ROBO2: variants seen among roughly 807,000 people sequenced by gnomAD.
ROBO2 encodes the protein roundabout homolog 2.
ROBO2 carries 53 observed loss-of-function variants against 160.8 expected under a neutral mutation model. The observed-to-expected ratio is 0.33, with a 90% CI of 0.26 to 0.41. ROBO2 has a LOEUF of 0.41. ROBO2 is among the 10% of genes least tolerant of loss of function. The pLI is 1.00. For synonymous variants in ROBO2, 664 were observed against 611.7 expected (o/e 1.09, Z -1.26); for missense variants, 1,577 against 1,722.4 (o/e 0.92, Z 1.49).
chr3:76,840,200 G>C (rs2068087133), intron 2 of ROBO2, among the ~76,000 whole-genome samples: 2 of 151,042 alleles, frequency 1.3e-5, no homozygotes, highest in Non-Finnish European at 1.5e-5. Flanking sequence ...GCTCTAATCT[G>C]TTTTATTTCT....
At chr3:77,027,789 T>A (rs1260241356) in intron 2 of ROBO2, among the ~76,000 whole-genome samples, 2 of 152,078 alleles carry the variant, frequency 1.3e-5, no homozygotes, top group African/African-American at 4.8e-5. Context: ...TGTGCGTGTG[T>A]GCCAGGGGAG....
At chr3:77,488,903 T>A (rs1242796898) in intron 4 of ROBO2, among the ~76,000 whole-genome samples, 1 of 152,212 alleles carries the variant, frequency 6.6e-6, no homozygotes, top group Non-Finnish European at 1.5e-5. Context: ...AAAATAGTTC[T>A]TACAAAAAAT....
At chr3:76,339,485 T>C (rs2074087985) in intron 2 of ROBO2, among the ~76,000 whole-genome samples, 1 of 152,196 alleles carries the variant, frequency 6.6e-6, no homozygotes. Context: ...CATATGAGAT[T>C]ATGTTATGAG....
chr3:77,054,892 C>T (rs2065571118), intron 1 of ROBO2, among the ~76,000 whole-genome samples: 1 of 151,022 alleles, frequency 6.6e-6, no homozygotes, highest in Non-Finnish European at 1.5e-5. Context: ...CAGCCAGTGA[C>T]AGAGAGGCGC....
chr3:77,240,512 C>A (rs533923564), intron 2 of ROBO2, among the ~76,000 whole-genome samples: 6 of 152,332 alleles, frequency 3.9e-5, no homozygotes, highest in Middle Eastern at 3.4e-3. Flanking sequence ...CAGCCTCGGC[C>A]AGCCCAGAGA....
upstream of ROBO2, among the ~76,000 whole-genome samples, chr3:77,037,624 G>C (rs2063717626): frequency 1.3e-5 from 2 of 151,986 alleles, no homozygotes; most frequent in Non-Finnish European, 2.9e-5. Context: ...TTGGTGGTAG[G>C]CTGATCTCGC....
chr3:76,044,388 A>G (rs778051652), intron 2 of ROBO2, among the ~76,000 whole-genome samples: 5 of 152,018 alleles, frequency 3.3e-5, no homozygotes, highest in African/African-American at 4.8e-5. Flanking sequence ...ACTCTCCATA[A>G]TTCATATAAC....
intron 2 of ROBO2, among the ~76,000 whole-genome samples, chr3:77,466,792 T>C (rs2082806403): frequency 6.6e-6 from 1 of 152,176 alleles, no homozygotes; most frequent in Non-Finnish European, 1.5e-5. Flanking sequence ...AACACATAAA[T>C]TCCAGGACAC....
At chr3:77,199,975 T>A (rs2082677316) in intron 2 of ROBO2, among the ~76,000 whole-genome samples, 1 of 151,696 alleles carries the variant, frequency 6.6e-6, no homozygotes, top group Non-Finnish European at 1.5e-5. Context: ...TTAGAGATAT[T>A]GTAATGGAAA....
chr3:76,988,017 A>G (rs2060477901), intron 2 of ROBO2, among the ~76,000 whole-genome samples: 1 of 152,222 alleles, frequency 6.6e-6, no homozygotes, highest in African/African-American at 2.4e-5. Flanking sequence ...TACTGTTAAA[A>G]TACATGTATA....
rs116289648 is a variant in ROBO2, at chr3:76,147,421, C to T, written c.109+209819C>T. ...AATAAGTAAAGGGTGTGTGTGCATA[C>T]GCATATTTTGTTTCTTATATTACAA... is the stretch of plus-strand genomic sequence containing the variant. On this transcript the variant is annotated intron_variant, in intron 2 of 26. Transcript: ENST00000487694. Among the ~76,000 whole-genome samples, 562 of 151,702 alleles carry T rather than the reference C, an allele frequency of 3.7e-3. 4 individuals are homozygous for T. The highest frequency in any genetic ancestry group is 0.012 in the African/African-American group (512 of 41,428).
chr3:76,893,222 GC>G (rs1356596139), intron 2 of ROBO2, among the ~76,000 whole-genome samples: 1 of 151,456 alleles, frequency 6.6e-6, no homozygotes, highest in Non-Finnish European at 1.5e-5. Context: ...ACATACACAT[GC>G]ATTCAAATTC....
At chr3:76,826,810 T>G (rs543222886) in intron 2 of ROBO2, among the ~76,000 whole-genome samples, 1 of 152,336 alleles carries the variant, frequency 6.6e-6, no homozygotes, top group East Asian at 1.9e-4. Context: ...AATGATGCTC[T>G]TTTACATTTT....
intron 2 of ROBO2, among the ~76,000 whole-genome samples, chr3:76,436,180 A>ACACACACACACACACACACACC (rs1156673465): frequency 6.6e-6 from 1 of 150,790 alleles, no homozygotes; most frequent in African/African-American, 2.4e-5. Flanking sequence ...ACACACACAC[A>ACACACACACACACACACACACC]CCATTTCTTT....
chr3:77,280,949 A>G (rs1412743862), intron 2 of ROBO2, among the ~76,000 whole-genome samples: 1 of 152,238 alleles, frequency 6.6e-6, no homozygotes, highest in Admixed American at 6.5e-5. Context: ...AGGACTAGAC[A>G]GGTGACACCT....
chr3:76,997,000 G>T (rs1218921795), intron 2 of ROBO2, among the ~76,000 whole-genome samples: 1 of 152,048 alleles, frequency 6.6e-6, no homozygotes. Context: ...GTAAAAAGAA[G>T]TATTAAGACA....
rs187053609 is a variant in ROBO2, at chr3:76,723,594, C to A, written c.110-374420C>A. On this transcript the variant is annotated intron_variant, in intron 2 of 26. Coordinates refer to the ROBO2 transcript ENST00000487694. ...GCCCACTTCATTCTCATACAAAATT[C>A]TTTGTCTCCTCTTTGTCCTTGTCTT... 2.0e-5 allele frequency among the ~76,000 whole-genome samples: 3 copies of A among 152,284 alleles called. No individual in the cohort carries two copies. In the East Asian group the frequency reaches 5.8e-4, roughly 29 times the overall value.
intron 2 of ROBO2, among the ~76,000 whole-genome samples, chr3:76,198,052 C>A (rs968194307): frequency 6.6e-6 from 1 of 152,180 alleles, no homozygotes; most frequent in Admixed American, 6.5e-5. Flanking sequence ...ACCGACTAAA[C>A]GGATCCCTCC....
rs957921817 is a variant in ROBO2, at chr3:76,755,412, C to T, written c.110-342602C>T. On this transcript the variant is annotated intron_variant, in intron 2 of 26. Coordinates refer to the ROBO2 transcript ENST00000487694. ...ACCATGGTAACTAGGGGAGTCATGT[C>T]ATAAATTAATTTCCAAATTGTATCC... is the stretch of plus-strand genomic sequence containing the variant. Among the ~76,000 whole-genome samples the T allele has an allele frequency of 6.6e-5, 10 of 151,786 alleles. 1 individual carries two copies. Among genetic ancestry groups the T allele is most frequent in the Non-Finnish European group, 1.3e-4 (9 of 67,874 alleles).
Sources: gnomAD v4.1 joint callset for allele counts (sites outside exome capture counted in the v4.1 genomes callset) on GRCh38, gnomAD v4.1.1 for gene constraint, MANE v1.5 for transcripts, NCBI Gene and HGNC (gene_info 2026-07-23, HGNC 2026-07-21) for gene names.